EIF2AK3: variants seen among roughly 807,000 people sequenced by gnomAD.
The protein encoded by EIF2AK3 is eukaryotic translation initiation factor 2-alpha kinase 3.
Under a neutral mutation model 113.5 loss-of-function variants are expected in EIF2AK3, and 50 were observed. The observed-to-expected ratio is 0.44, with a 90% confidence interval of 0.35 to 0.56. EIF2AK3 has a LOEUF of 0.56. Among genes scored for constraint, EIF2AK3 ranks in the 20% least tolerant of loss-of-function variants. EIF2AK3 has a pLI of 0.00. For missense variants in EIF2AK3, 1,185 were observed against 1,378.0 expected, an observed-to-expected ratio of 0.86 and a Z score of 2.22; for synonymous variants, 448 against 495.4, an observed-to-expected ratio of 0.90 and a Z score of 1.27.
rs2104414178 is a variant in EIF2AK3, at chr2:88,576,543, A to G, written c.2036+11T>C. ...AACTAGCTTAAGTGTATGTGTAACA[A>G]AGTTAGTTACCTTTCATCTTTCAGC... On this transcript the variant is annotated intron_variant, in intron 12 of 16. Coordinates refer to ENST00000303236, the MANE Select transcript of EIF2AK3 (RefSeq NM_004836.7). 1.2e-6 allele frequency: 2 copies of G among 1,614,070 alleles called. No homozygotes were observed. The highest frequency in any genetic ancestry group is 1.6e-4 in the Middle Eastern group (1 of 6,062).
intron 1 of EIF2AK3, among the ~76,000 whole-genome samples, chr2:88,618,115 G>A (rs932926310): frequency 5.3e-5 from 8 of 152,202 alleles, no homozygotes; most frequent in Non-Finnish European, 8.8e-5. Context: ...CCAGGAGGTC[G>A]TGGCTGCAGT....
intron 15 of EIF2AK3, among the ~76,000 whole-genome samples, chr2:88,559,413 A>G (rs975584833): frequency 2.6e-5 from 4 of 152,270 alleles, no homozygotes. Flanking sequence ...TAGGTTCTAT[A>G]CAAATATTAC....
chr2:88,611,414 A>C (rs1233205795), intron 2 of EIF2AK3, among the ~76,000 whole-genome samples: 2 of 151,748 alleles, frequency 1.3e-5, no homozygotes, highest in East Asian at 3.9e-4. Flanking sequence ...TTAAACATCC[A>C]CTCTCAAGAA....
chr2:88,608,835 G>A (rs1675358178), intron 2 of EIF2AK3, among the ~76,000 whole-genome samples: 1 of 145,134 alleles, frequency 6.9e-6, no homozygotes, highest in South Asian at 2.2e-4. Flanking sequence ...AGCCTCCAAA[G>A]TAGCTGGAAC....
chr2:88,606,443 C>T (rs180928694), intron 2 of EIF2AK3, among the ~76,000 whole-genome samples: 2 of 152,256 alleles, frequency 1.3e-5, no homozygotes, highest in Non-Finnish European at 2.9e-5. Context: ...TAAATTAAAG[C>T]ACTGTTTCAT....
intron 14 of EIF2AK3, among the ~76,000 whole-genome samples, chr2:88,567,017 T>C (rs917738080): frequency 6.6e-6 from 1 of 152,118 alleles, no homozygotes; most frequent in Non-Finnish European, 1.5e-5. Flanking sequence ...ATTATAAAAA[T>C]CAATTTATAC....
At chr2:88,568,398 C>T (rs1674198376) in intron 14 of EIF2AK3, among the ~76,000 whole-genome samples, 1 of 152,180 alleles carries the variant, frequency 6.6e-6, no homozygotes, top group East Asian at 1.9e-4. Context: ...CAAGCTGTAC[C>T]AGTAGCAATT....
In EIF2AK3 at chr2:88,613,739, G is replaced by A; in HGVS notation, c.423C>T (p.Ser141=). 6.2e-7 allele frequency: 1 copy of A among 1,614,034 alleles called. No homozygotes were observed. Among genetic ancestry groups the A allele is most frequent in the Non-Finnish European group, 8.5e-7 (1 of 1,179,968 alleles). ...DVGSGSLVSS[S]LSKPEVFGNK... is the part of the protein sequence containing the mutation. Reference sequence around the variant, plus strand: ...AAATTCTTACCTCTGGTTTGCTAAGGCTGGATGACACCAAGGAACCGGATC... The same window carrying A: ...AAATTCTTACCTCTGGTTTGCTAAGACTGGATGACACCAAGGAACCGGATC... Residue 141 remains serine (S), a synonymous_variant, in exon 2 of 17, where the codon AGC becomes AGT. Coordinates refer to ENST00000303236, the MANE Select transcript of EIF2AK3 (RefSeq NM_004836.7).
chr2:88,601,941 T>A (rs1675162969), intron 2 of EIF2AK3, among the ~76,000 whole-genome samples: 1 of 137,398 alleles, frequency 7.3e-6, no homozygotes, highest in Non-Finnish European at 1.5e-5. Context: ...AACCTCCACC[T>A]CCCAGGTTCA....
chr2:88,578,572 C>T (rs559395022), intron 11 of EIF2AK3, among the ~76,000 whole-genome samples: 5 of 152,054 alleles, frequency 3.3e-5, no homozygotes, highest in African/African-American at 1.2e-4. Flanking sequence ...ATCCCAGCTA[C>T]TCGGGAGGCT....
At chr2:88,585,292 G>C (rs1430054495) in intron 9 of EIF2AK3, among the ~76,000 whole-genome samples, 1 of 151,998 alleles carries the variant, frequency 6.6e-6, no homozygotes, top group Non-Finnish European at 1.5e-5. Context: ...TTCTTTGAGA[G>C]AGAAAAATGC....
rs1247480554 is a variant in EIF2AK3, at chr2:88,571,130, A to C, written c.2818-89T>G. The C allele has an allele frequency of 3.5e-6, 5 of 1,434,278 alleles. No homozygotes were observed. In the African/African-American group the frequency reaches 5.6e-5, roughly 16 times the overall value. The allele number at this position is 1,434,278 out of a possible 1,614,324, so 88.8% of individuals were successfully genotyped here. A position where few individuals can be genotyped will look rare whatever the true frequency, so the allele number is the denominator to read the frequency against. On this transcript the variant is annotated intron_variant, in intron 13 of 16. Transcript: ENST00000303236. ...TTATTTAAAAGACTACAAAGAAAAA[A>C]TACAACAAACTAGATATTTTCAAGC...
At chr2:88,609,285 G>A (rs1168753043) in intron 2 of EIF2AK3, among the ~76,000 whole-genome samples, 1 of 152,152 alleles carries the variant, frequency 6.6e-6, no homozygotes, top group African/African-American at 2.4e-5. Context: ...TTTCAGGGGT[G>A]CAAAATAGCA....
At chr2:88,591,486 A>G (rs1252132113) in intron 4 of EIF2AK3, among the ~76,000 whole-genome samples, 5 of 152,198 alleles carry the variant, frequency 3.3e-5, no homozygotes, top group Non-Finnish European at 7.4e-5. Flanking sequence ...CCAGTGTAAA[A>G]GTCAAGATGA....
Position 88,574,940 on chromosome 2 carries a change from G to A in EIF2AK3, c.2543C>T (p.Ser848Phe). Residue 848 changes from serine (S) to phenylalanine (F), a missense_variant, in exon 13 of 17, where the codon TCT becomes TTT. Coordinates refer to ENST00000303236, the MANE Select transcript of EIF2AK3 (RefSeq NM_004836.7). ...AGAAATAGACAATGTAGCTTCAGAAGAAGATTTGCTACTGGTGGGCTTGAA... is the reference window on the plus strand; with the variant it reads ...AGAAATAGACAATGTAGCTTCAGAAAAAGATTTGCTACTGGTGGGCTTGAA... ...TAFKPTSSKS[S>F]SEATLSISPP... 6.2e-7 allele frequency: 1 copy of A among 1,614,212 alleles called. No individual in the cohort carries two copies. The highest frequency in any genetic ancestry group is 1.1e-5 in the South Asian group (1 of 91,086).
In EIF2AK3 at chr2:88,578,411, G is replaced by C. The variant is rs184027715; in HGVS notation, c.1886+1107C>G. 5.7e-3 allele frequency among the ~76,000 whole-genome samples: 863 copies of C among 152,040 alleles called. 9 individuals are homozygous for C. The highest frequency in any genetic ancestry group is 0.051 in the Middle Eastern group (15 of 294). The stretch of plus-strand genomic sequence containing the variant: ...AAAAATACAAAAATTAGCCGAGTGT[G>C]GTGGTGCATGCCTGTAATCCCAGCA... On this transcript the variant is annotated intron_variant, in intron 11 of 16. Transcript: ENST00000303236.
intron 1 of EIF2AK3, among the ~76,000 whole-genome samples, chr2:88,623,448 T>G (rs1321696405): frequency 6.6e-6 from 1 of 152,198 alleles, no homozygotes; most frequent in African/African-American, 2.4e-5. Context: ...ACTTGAAAAT[T>G]CCATCAAGAG....
chr2:88,625,306 C>CACAT (rs2103988800), intron 1 of EIF2AK3, among the ~76,000 whole-genome samples: 1 of 148,694 alleles, frequency 6.7e-6, no homozygotes, highest in African/African-American at 2.4e-5. Context: ...CACACACACA[C>CACAT]ACACACACAC....
chr2:88,564,485 A>C (rs1429419972), intron 14 of EIF2AK3, among the ~76,000 whole-genome samples: 5 of 152,186 alleles, frequency 3.3e-5, no homozygotes, highest in Non-Finnish European at 7.4e-5. Flanking sequence ...TAGTATTTTC[A>C]ACAATACGAA....
Sources: allele counts gnomAD v4.1 joint callset (sites outside exome capture counted in the v4.1 genomes callset), GRCh38; gene constraint gnomAD v4.1.1; transcripts MANE v1.5; gene names NCBI Gene and HGNC (gene_info 2026-07-23, HGNC 2026-07-21).